The following MT1F variants were observed in gnomAD, a reference collection of about 807,000 sequenced individuals.
MT1F encodes metallothionein-1F.
In MT1F, 6 loss-of-function variants were observed where a neutral mutation model predicts 5.4. That is an observed-to-expected ratio of 1.11 (90% CI 0.61 to 2.19). The LOEUF (loss-of-function observed/expected upper bound fraction) is 2.19, where lower values mean the gene tolerates loss of function less well. Among genes scored for constraint, MT1F ranks in the 30% most tolerant of loss-of-function variants. MT1F has a pLI of 0.00. For missense variants in MT1F, 82 were observed against 77.0 expected (o/e 1.07, Z -0.24); for synonymous variants, 28 against 28.3 (o/e 0.99, Z 0.04).
intron 1 of MT1F, chr16:56,658,408 G>A (rs1289370361): frequency 3.4e-6 from 2 of 591,646 alleles, no homozygotes; most frequent in Non-Finnish European, 3.0e-6. Flanking sequence ...TGCCTCTTCG[G>A]GGTTCAGGAC....
chr16:56,658,999 T>A (rs539584219), intron 2 of MT1F, 74 bp from the exon 3 acceptor site: 12 of 1,334,434 alleles, frequency 9.0e-6, no homozygotes, highest in African/African-American at 1.4e-5. Flanking sequence ...GGAGGCTCTG[T>A]TGGGGGCCTC....
chr16:56,658,108 G>A (rs1960644316), intron 1 of MT1F, 22 bp downstream of exon 1: 1 of 1,613,982 alleles, frequency 6.2e-7, no homozygotes, highest in East Asian at 2.2e-5. Flanking sequence ...CGGGTTCCGT[G>A]CCTGGGGATG....
chr16:56,658,757 C>A lies in MT1F; in HGVS notation c.94+17C>A. On this transcript the variant is annotated intron_variant, in intron 2 of 2. Coordinates refer to ENST00000334350, the MANE Select transcript of MT1F (RefSeq NM_005949.4). ...GCAAGAAGAGTGAGTGTGAGGCCAT[C>A]TCCATGGTCTGGGGCTGTGGCTAAG... The A allele has an allele frequency of 6.2e-7, 1 of 1,614,104 alleles. No individual in the cohort carries two copies. The highest frequency in any genetic ancestry group is 8.5e-7 in the Non-Finnish European group (1 of 1,179,942).
chr16:56,658,047 C>A lies in MT1F; in HGVS notation c.-12C>A. On this transcript the variant is annotated 5_prime_UTR_variant, in exon 1 of 3. Transcript: ENST00000334350. ...TTCTCTCTTGGAAAGTCCAGTCTCT[C>A]CTCGGCTTGCAATGGACCCCAACTG... 2 of 1,614,134 alleles carry A rather than the reference C, an allele frequency of 1.2e-6. No individual in the cohort carries two copies. Among genetic ancestry groups the A allele is most frequent in the Non-Finnish European group, 1.7e-6 (2 of 1,179,984 alleles).
chr16:56,658,275 G>C lies in MT1F; in HGVS notation c.28+189G>C, dbSNP rs2144339119. ...CTCTCTGTGCCTCTGTGTCAGCGTT[G>C]AGGGTACTGAGGCTCAAGGCTGTCC... On this transcript the variant is annotated intron_variant, in intron 1 of 2. Transcript: ENST00000334350. 3 of 663,160 alleles carry C rather than the reference G, an allele frequency of 4.5e-6. No homozygotes were observed. In the East Asian group the frequency reaches 8.4e-5, roughly 18 times the overall value. 41.1% of individuals were successfully genotyped at this position (663,160 alleles called of 1,614,324 possible).
chr16:56,658,861 TGCCTTTCTAGTCTTCTGCCCTGTGCAGG>T, intron 2 of MT1F, 121 bp downstream of exon 2: 1 of 1,336,976 alleles, frequency 7.5e-7, no homozygotes, highest in Non-Finnish European at 1.1e-6. Flanking sequence ...AGGTTGTCAC[TGCCTTTCTAGTCTTCTGCCCTGTGCAGG>T]GCGCCTGGGC....
At chr16:56,658,516 G>C in intron 1 of MT1F, 159 bp from the exon 2 acceptor site, 1 of 720,188 alleles carries the variant, frequency 1.4e-6, no homozygotes, top group East Asian at 2.7e-5. Flanking sequence ...CAGCATGAAG[G>C]GAGAGGACAT....
chr16:56,659,189 T>G lies in MT1F; in HGVS notation c.*25T>G. 6.2e-7 allele frequency: 1 copy of G among 1,612,708 alleles called. No individual in the cohort carries two copies. The highest frequency in any genetic ancestry group is 8.5e-7 in the Non-Finnish European group (1 of 1,178,970). On this transcript the variant is annotated 3_prime_UTR_variant, in exon 3 of 3. Coordinates refer to ENST00000334350, the MANE Select transcript of MT1F (RefSeq NM_005949.4). ...ATGCCAGGACAACCTTTCTCCCAGA[T>G]GTAAACAGAGAGACATGTACAAACC...
rs1198631670 is a variant in MT1F at position 56,657,973 on chromosome 16, C to T, written c.-86C>T. On this transcript the variant is annotated 5_prime_UTR_variant, in exon 1 of 3. Coordinates refer to ENST00000334350, the MANE Select transcript of MT1F (RefSeq NM_005949.4). The stretch of plus-strand genomic sequence containing the variant: ...CTCCCCTGACTATCAAAGCAGCGGC[C>T]GGCTGTTGGGGTCCACCACGCCTTC... 1 of 1,415,894 alleles carries T rather than the reference C, an allele frequency of 7.1e-7. No individual in the cohort carries two copies. The highest frequency in any genetic ancestry group is 1.2e-5 in the South Asian group (1 of 83,746). The allele number at this position is 1,415,894 out of a possible 1,614,324, so 87.7% of individuals were successfully genotyped here.
At chr16:56,658,868 C>A in intron 2 of MT1F, 128 bp downstream of exon 2, 1 of 1,294,334 alleles carries the variant, frequency 7.7e-7, no homozygotes, top group Non-Finnish European at 1.1e-6. Context: ...CACTGCCTTT[C>A]TAGTCTTCTG....
chr16:56,658,711 A>G lies in MT1F; in HGVS notation c.65A>G (p.Lys22Arg). 6.2e-7 allele frequency: 1 copy of G among 1,614,184 alleles called. No homozygotes were observed. Among genetic ancestry groups the G allele is most frequent in the South Asian group, 1.1e-5 (1 of 91,082 alleles). ...ACCTGCGCTGGTTCCTGCAAGTGCA[A>G]AGAGTGCAAATGCACCTCCTGCAAG... ...SCTCAGSCKC[K>R]ECKCTSCKKS... Residue 22 changes from lysine (K) to arginine (R), a missense_variant, in exon 2 of 3, where the codon AAA becomes AGA. Lys to Arg is a conservative substitution (Grantham distance 26). Coordinates refer to ENST00000334350, the MANE Select transcript of MT1F (RefSeq NM_005949.4).
chr16:56,658,695 G>A lies in MT1F; in HGVS notation c.49G>A (p.Gly17Ser), dbSNP rs757152569. The A allele has an allele frequency of 2.5e-6, 4 of 1,614,076 alleles. No individual in the cohort carries two copies. The highest frequency in any genetic ancestry group is 1.3e-5 in the African/African-American group (1 of 74,920). Reference protein sequence around the residue: ...CAAGVSCTCAGSCKCKECKCT... With the variant: ...CAAGVSCTCASSCKCKECKCT... ...CGCAGGTGTCTCCTGCACCTGCGCT[G>A]GTTCCTGCAAGTGCAAAGAGTGCAA... The change falls in exon 2 of 3, where the codon GGT becomes AGT. Residue 17 changes from glycine to serine, a missense_variant. Gly to Ser is a moderately conservative substitution (Grantham distance 56). Coordinates refer to ENST00000334350, the MANE Select transcript of MT1F (RefSeq NM_005949.4).
At chr16:56,658,590 G>T (rs2144339521) in intron 1 of MT1F, 85 bp from the exon 2 acceptor site, 4 of 1,357,236 alleles carry the variant, frequency 2.9e-6, no homozygotes, top group Middle Eastern at 1.8e-4. Context: ...GCACAGAGGA[G>T]GGGGCAATGG....
intron 2 of MT1F, 24 bp downstream of exon 2, chr16:56,658,764 G>T: frequency 2.5e-6 from 4 of 1,614,054 alleles, no homozygotes; most frequent in Non-Finnish European, 3.4e-6. Context: ...CATCTCCATG[G>T]TCTGGGGCTG....
In MT1F at chr16:56,659,219, T is replaced by A; in HGVS notation, c.*55T>A. The A allele has an allele frequency of 7.6e-7, 1 of 1,314,838 alleles. No individual in the cohort carries two copies. 81.4% of individuals were successfully genotyped at this position (1,314,838 alleles called of 1,614,324 possible). The stretch of plus-strand genomic sequence containing the variant: ...ACAGAGAGACATGTACAAACCTGGA[T>A]TTTTTTTTTATACCACCTTGACCCA... On this transcript the variant is annotated 3_prime_UTR_variant, in exon 3 of 3. Transcript: ENST00000334350.
chr16:56,658,692 G>C lies in MT1F; in HGVS notation c.46G>C (p.Ala16Pro). Residue 16 changes from alanine (A) to proline (P), a missense_variant, in exon 2 of 3, where the codon GCT (alanine) becomes CCT (proline). By Grantham distance (27) the Ala-to-Pro change is conservative. Transcript: ENST00000334350. ...TCTCGCAGGTGTCTCCTGCACCTGC[G>C]CTGGTTCCTGCAAGTGCAAAGAGTG... ...SCAAGVSCTCAGSCKCKECKC... is the reference protein window; with the variant it reads ...SCAAGVSCTCPGSCKCKECKC... 6.2e-7 allele frequency: 1 copy of C among 1,614,142 alleles called. No homozygotes were observed. The highest frequency in any genetic ancestry group is 8.5e-7 in the Non-Finnish European group (1 of 1,180,004).
At chr16:56,659,009 C>T (rs778358521) in intron 2 of MT1F, 64 bp from the exon 3 acceptor site, 2 of 1,443,014 alleles carry the variant, frequency 1.4e-6, no homozygotes, top group African/African-American at 1.4e-5. Flanking sequence ...TTGGGGGCCT[C>T]TGTTGGGGAG....
Position 56,658,070 on chromosome 16 carries a change from C to A in MT1F, c.12C>A (p.Asn4Lys), listed in dbSNP as rs2144338865. 2 of 1,614,182 alleles carry A rather than the reference C, an allele frequency of 1.2e-6. No individual in the cohort carries two copies. Among genetic ancestry groups the A allele is most frequent in the East Asian group, 2.2e-5 (1 of 44,874 alleles). The change falls in exon 1 of 3, where the codon AAC (asparagine) becomes AAA (lysine). Residue 4 changes from asparagine to lysine, a missense_variant. Coordinates refer to ENST00000334350, the MANE Select transcript of MT1F (RefSeq NM_005949.4). ...CTCCTCGGCTTGCAATGGACCCCAA[C>A]TGCTCCTGCGCCGCTGGTAAGGAAC... is the stretch of plus-strand genomic sequence containing the variant. Reference protein sequence around the residue: MDPNCSCAAGVSCT... With the variant: MDPKCSCAAGVSCT...
rs1960642167 is a variant in MT1F, at chr16:56,657,996, T to C, written c.-63T>C. 1.3e-6 allele frequency: 2 copies of C among 1,581,732 alleles called. No individual in the cohort carries two copies. The highest frequency in any genetic ancestry group is 1.7e-6 in the Non-Finnish European group (2 of 1,152,516). ...GCCGGCTGTTGGGGTCCACCACGCC[T>C]TCCACCTGCCCCACTGCTTCTTCGC... On this transcript the variant is annotated 5_prime_UTR_variant, in exon 1 of 3. Coordinates refer to ENST00000334350, the MANE Select transcript of MT1F (RefSeq NM_005949.4).
Sources: gnomAD v4.1 joint callset for allele counts on GRCh38, gnomAD v4.1.1 for gene constraint, MANE v1.5 for transcripts, NCBI Gene and HGNC (gene_info 2026-07-23, HGNC 2026-07-21) for gene names.